DNAH17: variants seen among roughly 807,000 people sequenced by gnomAD.
DNAH17 encodes the protein axonemal beta dynein heavy chain 17.
A neutral mutation model predicts 485.6 loss-of-function variants in DNAH17; 376 were observed. The ratio of observed to expected loss-of-function variants is 0.77; its 90% CI spans 0.71 to 0.84. The LOEUF (loss-of-function observed/expected upper bound fraction) is 0.84, where lower values mean the gene tolerates loss of function less well. Among genes scored for constraint, DNAH17 ranks in the 40% least tolerant of loss-of-function variants. The pLI is 0.00. For missense variants in DNAH17, 6,370 were observed against 5,839.3 expected (o/e 1.09, Z -2.96); for synonymous variants, 3,031 against 2,405.9 (o/e 1.26, Z -7.60).
intron 33 of DNAH17, 160 bp downstream of exon 33, chr17:78,502,431 G>T: frequency 1.6e-6 from 1 of 615,766 alleles, no homozygotes; most frequent in Non-Finnish European, 2.8e-6. Context: ...GTGCGTGGCT[G>T]TTATTTGGCC....
At chr17:78,461,953 T>C (rs1258916290) in intron 57 of DNAH17, among the ~76,000 whole-genome samples, 1 of 152,036 alleles carries the variant, frequency 6.6e-6, no homozygotes, top group Non-Finnish European at 1.5e-5. Flanking sequence ...GCAAGGTGAC[T>C]GAATAGAAAC....
At chr17:78,499,386 G>A (rs746107281) in intron 36 of DNAH17, 3 of 307,338 alleles carry the variant, frequency 9.8e-6, no homozygotes, top group Non-Finnish European at 1.8e-5. Context: ...AAGGGGCTCA[G>A]ACAAGCACAT....
In DNAH17 at chr17:78,507,319, G is replaced by T. The variant is rs1305828235; in HGVS notation, c.4635C>A (p.Ser1545Arg). 1 of 1,614,040 alleles carries T rather than the reference G, an allele frequency of 6.2e-7. No individual in the cohort carries two copies. Among genetic ancestry groups the T allele is most frequent in the Non-Finnish European group, 8.5e-7 (1 of 1,179,892 alleles). The change falls in exon 29 of 81, where the codon AGC becomes AGA. Residue 1545 changes from serine (S) to arginine (R), a missense_variant. Ser to Arg is a moderately radical substitution (Grantham distance 110, BLOSUM62 -1). Coordinates refer to ENST00000389840, the MANE Select transcript of DNAH17 (RefSeq NM_173628.4). ...CCAGTTTATTGTAGAGGCCGGGTTT[G>T]CTGGTGGCTTCCACCACGTTGGGTG... ...VKTPNVVEAT[S>R]KPGLYNKLEA...
Position 78,446,041 on chromosome 17 carries a change from G to A in DNAH17, c.11212-361C>T, listed in dbSNP as rs796147189. 3.3e-5 allele frequency among the ~76,000 whole-genome samples: 5 copies of A among 151,898 alleles called. No homozygotes were observed. The South Asian group carries it at 6.3e-4, about 19-fold the overall frequency. The stretch of plus-strand genomic sequence containing the variant: ...ACAAAAAAATTAGCCGGGCGTGGTG[G>A]TGCATGCCTGTAGTCCTAGCTACTC... On this transcript the variant is annotated intron_variant, in intron 69 of 80. Transcript: ENST00000389840.
At chr17:78,569,680 G>C (rs2092321914) in intron 7 of DNAH17, among the ~76,000 whole-genome samples, 153 bp from the exon 8 acceptor site, 1 of 152,238 alleles carries the variant, frequency 6.6e-6, no homozygotes, top group South Asian at 2.1e-4. Context: ...GTTTTTAGGG[G>C]ACCGAGCTGC....
chr17:78,423,962 T>C lies in DNAH17; in HGVS notation c.13333A>G (p.Lys4445Glu). The C allele has an allele frequency of 6.2e-7, 1 of 1,614,038 alleles. No individual in the cohort carries two copies. Among genetic ancestry groups the C allele is most frequent in the Non-Finnish European group, 8.5e-7 (1 of 1,179,890 alleles). The change falls in exon 81 of 81, where the codon AAA (lysine) becomes GAA (glutamate). Residue 4445 changes from lysine to glutamate, a missense_variant. By Grantham distance (56) the Lys-to-Glu change is moderately conservative (BLOSUM62 1). Coordinates refer to ENST00000389840, the MANE Select transcript of DNAH17 (RefSeq NM_173628.4). ...AGGATCCACTTCGCTGCCTTCTCTT[T>C]GGTCTTCAAGTTAAAGGTCCAGACA... is the stretch of plus-strand genomic sequence containing the variant. ...TYVWTFNLKT[K>E]EKAAKWILAA...
At chr17:78,469,608 G>A (rs1224620885) in intron 54 of DNAH17, among the ~76,000 whole-genome samples, 1 of 152,182 alleles carries the variant, frequency 6.6e-6, no homozygotes, top group Non-Finnish European at 1.5e-5. Context: ...AAAGAAGGGT[G>A]CAGGAGACCC....
intron 19 of DNAH17, among the ~76,000 whole-genome samples, chr17:78,535,227 G>A (rs1019802678): frequency 4.1e-4 from 62 of 152,180 alleles, no homozygotes; most frequent in African/African-American, 8.4e-4. Context: ...GGGCACACCC[G>A]GGACACACTG....
intron 19 of DNAH17, among the ~76,000 whole-genome samples, chr17:78,534,834 T>C (rs2091331525): frequency 1.3e-5 from 2 of 152,100 alleles, no homozygotes; most frequent in Non-Finnish European, 1.5e-5. Context: ...GGGCCCACAT[T>C]CTATCTCCTC....
At chr17:78,469,290 C>T (rs1230644266) in intron 54 of DNAH17, among the ~76,000 whole-genome samples, 1 of 152,128 alleles carries the variant, frequency 6.6e-6, no homozygotes, top group Non-Finnish European at 1.5e-5. Flanking sequence ...TACAGGCACC[C>T]GCCACCACGC....
intron 33 of DNAH17, 51 bp from the exon 34 acceptor site, chr17:78,501,924 G>A (rs1353386726): frequency 1.2e-6 from 2 of 1,605,172 alleles, no homozygotes; most frequent in Non-Finnish European, 1.7e-6. Flanking sequence ...CACATGCACT[G>A]GGGGGTCTTG....
At chr17:78,499,877 G>A (rs1238547748) in intron 36 of DNAH17, 1 of 155,690 alleles carries the variant, frequency 6.4e-6, no homozygotes, top group African/African-American at 2.4e-5. Flanking sequence ...GGCCTCCTGT[G>A]AGCCGACGAT....
chr17:78,576,869 C>G (rs889034124), intron 1 of DNAH17, among the ~76,000 whole-genome samples: 2 of 152,222 alleles, frequency 1.3e-5, no homozygotes, highest in African/African-American at 4.8e-5. Context: ...TCATCTCAGG[C>G]TCCCACCCAG....
intron 17 of DNAH17, among the ~76,000 whole-genome samples, chr17:78,542,114 A>ACC (rs1555688836): frequency 5.0e-4 from 21 of 41,724 alleles, no homozygotes; most frequent in African/African-American, 3.3e-3. Flanking sequence ...CCCACTGGAA[A>ACC]CCGCCCCCCC....
intron 71 of DNAH17, among the ~76,000 whole-genome samples, chr17:78,443,490 G>A (rs1025998090): frequency 6.6e-6 from 1 of 152,138 alleles, no homozygotes; most frequent in African/African-American, 2.4e-5. Context: ...AGGAAAACAA[G>A]GCAAAACTAA....
At chr17:78,500,174 C>T in intron 36 of DNAH17, 131 bp downstream of exon 36, 1 of 1,055,262 alleles carries the variant, frequency 9.5e-7, no homozygotes, top group Non-Finnish European at 1.3e-6. Flanking sequence ...GGCCCTGGCA[C>T]CTCCTCTCCA....
intron 75 of DNAH17, 41 bp downstream of exon 75, chr17:78,433,988 G>A (rs1396623959): frequency 2.6e-5 from 39 of 1,510,910 alleles, no homozygotes; most frequent in Non-Finnish European, 3.5e-5. Flanking sequence ...AGGGAAAGAG[G>A]GAGGGATATG....
At chr17:78,576,185 C>T (rs2092430050) in intron 1 of DNAH17, among the ~76,000 whole-genome samples, 1 of 152,172 alleles carries the variant, frequency 6.6e-6, no homozygotes, top group African/African-American at 2.4e-5. Flanking sequence ...TTGACCCAAG[C>T]TATTGCTTTT....
chr17:78,511,013 G>T (rs1421256409), intron 26 of DNAH17, among the ~76,000 whole-genome samples: 1 of 152,258 alleles, frequency 6.6e-6, no homozygotes, highest in African/African-American at 2.4e-5. Flanking sequence ...AGAAGCTGGA[G>T]GAGGCAGGAA....
Sources: allele counts gnomAD v4.1 joint callset (sites outside exome capture counted in the v4.1 genomes callset), GRCh38; gene constraint gnomAD v4.1.1; transcripts MANE v1.5; gene names NCBI Gene and HGNC (gene_info 2026-07-23, HGNC 2026-07-21).